ADAM22: variants seen among roughly 807,000 people sequenced by gnomAD.
The protein encoded by ADAM22 is ADAM metallopeptidase domain 22.
A neutral mutation model predicts 144.6 loss-of-function variants in ADAM22; 65 were observed. The ratio of observed to expected loss-of-function variants is 0.45; its 90% CI spans 0.37 to 0.55. The LOEUF (loss-of-function observed/expected upper bound fraction) is 0.55, where lower values mean the gene tolerates loss of function less well. Ranked by LOEUF, ADAM22 falls within the 20% of genes least tolerant of loss-of-function variation. ADAM22 has a pLI of 0.00. For missense variants in ADAM22, 974 were observed against 1,184.9 expected (o/e 0.82, Z 2.61); for synonymous variants, 391 against 412.6 (o/e 0.95, Z 0.63).
At chr7:88,057,657 A>T (rs544254532) in intron 3 of ADAM22, among the ~76,000 whole-genome samples, 26 of 152,346 alleles carry the variant, frequency 1.7e-4, no homozygotes, top group African/African-American at 6.3e-4. Context: ...ATTTTAGTGG[A>T]ATCAAAATAA....
chr7:88,142,215 A>G (rs1485721660), intron 14 of ADAM22, among the ~76,000 whole-genome samples: 1 of 152,206 alleles, frequency 6.6e-6, no homozygotes, highest in African/African-American at 2.4e-5. Flanking sequence ...CAGTAAAATT[A>G]TCTAATTCTT....
chr7:88,186,708 T>C lies in ADAM22; in HGVS notation c.2750+7T>C, dbSNP rs752839042. On this transcript the variant is annotated splice_region_variant and intron_variant, in intron 30 of 31. Coordinates refer to ENST00000413139, the MANE Select transcript of ADAM22 (RefSeq NM_001324418.2). ...CTGAAGGACCATACTTTAGGTATTT[T>C]ATAAATTAATTTTTATATCCTTCTC... The C allele has an allele frequency of 1.3e-6, 2 of 1,548,650 alleles. No homozygotes were observed. The highest frequency in any genetic ancestry group is 2.2e-5 in the East Asian group (1 of 44,510).
At chr7:87,934,808 C>T (rs1840789838) in intron 1 of ADAM22, 2 of 692,294 alleles carry the variant, frequency 2.9e-6, no homozygotes, top group Admixed American at 2.8e-5. Flanking sequence ...GAAAGGGGTG[C>T]CCTGCTTCTG....
At position 88,156,025 on chromosome 7, in the gene ADAM22, T is replaced by G; in HGVS notation, c.1907+19T>G. ...ACTGCAGGTAATTATCTAACCATTCTGTAAGAATCTGAGTCATCTTATTTC... is the reference window on the plus strand; with the variant it reads ...ACTGCAGGTAATTATCTAACCATTCGGTAAGAATCTGAGTCATCTTATTTC... On this transcript the variant is annotated intron_variant, in intron 22 of 31. Transcript: ENST00000413139. The G allele has an allele frequency of 6.2e-7, 1 of 1,610,826 alleles. No individual in the cohort carries two copies. The highest frequency in any genetic ancestry group is 8.5e-7 in the Non-Finnish European group (1 of 1,178,482).
At chr7:88,081,270 G>A (rs1180229114) in intron 4 of ADAM22, among the ~76,000 whole-genome samples, 2 of 152,054 alleles carry the variant, frequency 1.3e-5, no homozygotes, top group Non-Finnish European at 2.9e-5. Context: ...TGCAGAAAAG[G>A]CCTTTGACAA....
At chr7:88,164,363 C>T (rs1842472097) in intron 23 of ADAM22, among the ~76,000 whole-genome samples, 2 of 151,946 alleles carry the variant, frequency 1.3e-5, no homozygotes, top group South Asian at 4.1e-4. Flanking sequence ...GGCAAATCAA[C>T]ATCCAGATAA....
At chr7:87,983,660 T>C (rs1584813813) in intron 3 of ADAM22, among the ~76,000 whole-genome samples, 1 of 152,176 alleles carries the variant, frequency 6.6e-6, no homozygotes, top group East Asian at 1.9e-4. Flanking sequence ...TTAATCCTTT[T>C]TCTAGAAGTT....
chr7:87,971,698 C>A (rs1245032979), intron 2 of ADAM22, among the ~76,000 whole-genome samples: 2 of 152,274 alleles, frequency 1.3e-5, no homozygotes, highest in Admixed American at 1.3e-4. Flanking sequence ...CTGTGTCCCC[C>A]ACCAAAGGAA....
intron 30 of ADAM22, among the ~76,000 whole-genome samples, chr7:88,192,317 AT>A (rs1160596704): frequency 6.6e-6 from 1 of 152,178 alleles, no homozygotes; most frequent in Non-Finnish European, 1.5e-5. Flanking sequence ...ATGAGCAGAC[AT>A]TTTTTACTCA....
intron 2 of ADAM22, among the ~76,000 whole-genome samples, chr7:87,964,940 T>A (rs1848712431): frequency 6.6e-6 from 1 of 152,188 alleles, no homozygotes; most frequent in Non-Finnish European, 1.5e-5. Flanking sequence ...CAAGACTACA[T>A]GGTTTTAAGA....
rs1838987290 is a variant in ADAM22 at position 88,153,272 on chromosome 7, C to T, written c.1733C>T (p.Thr578Met). 10 of 1,613,028 alleles carry T rather than the reference C, an allele frequency of 6.2e-6. No homozygotes were observed. The highest frequency in any genetic ancestry group is 1.3e-5 in the African/African-American group (1 of 74,818). The change falls in exon 21 of 32, where the codon ACG (threonine) becomes ATG (methionine). Residue 578 changes from threonine (T) to methionine (M), a missense_variant. Physicochemically the swap from Thr to Met is moderately conservative, Grantham distance 81. Around this residue, in one of 2 missense-constraint regions of ADAM22, gnomAD observed 734 missense variants for 950.6 expected, o/e 0.77. Coordinates refer to ENST00000413139, the MANE Select transcript of ADAM22 (RefSeq NM_001324418.2). Reference protein sequence around the residue: ...YCYEKLNIEGTEKGNCGKDKD... With the variant: ...YCYEKLNIEGMEKGNCGKDKD... ...TATGAGAAACTGAATATTGAAGGGA[C>T]GGAGAAGGGTAACTGTGGGAAAGAC... is the stretch of plus-strand genomic sequence containing the variant.
At chr7:88,129,939 G>A (rs1258557713) in intron 9 of ADAM22, among the ~76,000 whole-genome samples, 1 of 152,006 alleles carries the variant, frequency 6.6e-6, no homozygotes, top group African/African-American at 2.4e-5. Flanking sequence ...TTATCTTAGA[G>A]GTTTCTTCTT....
At chr7:87,935,358 A>G (rs963931404) in intron 2 of ADAM22, among the ~76,000 whole-genome samples, 172 bp downstream of exon 2, 3 of 152,228 alleles carry the variant, frequency 2.0e-5, no homozygotes, top group Non-Finnish European at 4.4e-5. Flanking sequence ...AAAAGGGTAC[A>G]AAAAAGAACC....
chr7:88,181,937 G>C, intron 28 of ADAM22, 21 bp from the exon 29 acceptor site: 2 of 1,608,356 alleles, frequency 1.2e-6, no homozygotes, highest in South Asian at 2.2e-5. Flanking sequence ...TGGAAATCTA[G>C]CTCTAAACCG....
chr7:87,971,821 T>C (rs1292701104), intron 2 of ADAM22, among the ~76,000 whole-genome samples: 3 of 152,216 alleles, frequency 2.0e-5, no homozygotes, highest in Non-Finnish European at 4.4e-5. Flanking sequence ...TTCAGTGGTG[T>C]TGAATAATAA....
At chr7:88,144,254 A>T (rs1159335981) in intron 15 of ADAM22, among the ~76,000 whole-genome samples, 1 of 152,124 alleles carries the variant, frequency 6.6e-6, no homozygotes, top group Non-Finnish European at 1.5e-5. Flanking sequence ...TTTTCATTCT[A>T]TAATACGTAA....
At chr7:88,145,624 A>T in intron 17 of ADAM22, 117 bp downstream of exon 17, 1 of 762,310 alleles carries the variant, frequency 1.3e-6, no homozygotes, top group Non-Finnish European at 2.1e-6. Flanking sequence ...TTAAATGAGT[A>T]AGTGCCAGGT....
At chr7:88,115,380 G>A (rs995023799) in intron 6 of ADAM22, among the ~76,000 whole-genome samples, 1 of 152,104 alleles carries the variant, frequency 6.6e-6, no homozygotes, top group Non-Finnish European at 1.5e-5. Context: ...ACAAAATACT[G>A]TAGACTGGGT....
intron 2 of ADAM22, among the ~76,000 whole-genome samples, chr7:87,971,987 G>A (rs957204274): frequency 1.3e-5 from 2 of 152,160 alleles, no homozygotes; most frequent in Non-Finnish European, 2.9e-5. Context: ...TCAGGAGATC[G>A]AGACCATCCT....
Sources: gnomAD v4.1 joint callset for allele counts (sites outside exome capture counted in the v4.1 genomes callset) on GRCh38, gnomAD v4.1.1 for gene constraint, gnomAD v4.1.1 regional missense constraint, MANE v1.5 for transcripts, NCBI Gene and HGNC (gene_info 2026-07-23, HGNC 2026-07-21) for gene names.